The following SH3RF3 variants were observed in gnomAD, a reference collection of about 807,000 sequenced individuals.
The protein encoded by SH3RF3 is SH3 domain containing ring finger 3.
Under a neutral mutation model 66.3 loss-of-function variants are expected in SH3RF3, and 29 were observed. The ratio of observed to expected loss-of-function variants is 0.44; its 90% CI spans 0.33 to 0.60. The LOEUF (loss-of-function observed/expected upper bound fraction) is 0.60, where lower values mean the gene tolerates loss of function less well. SH3RF3 is among the 20% of genes least tolerant of loss of function. SH3RF3 has a pLI of 0.04. For synonymous variants in SH3RF3, 583 were observed against 532.0 expected (o/e 1.10, Z -1.32); for missense variants, 1,194 against 1,190.9 (o/e 1.00, Z -0.04).
chr2:109,241,188 C>G (rs1679772914), intron 1 of SH3RF3, among the ~76,000 whole-genome samples: 1 of 152,046 alleles, frequency 6.6e-6, no homozygotes, highest in Non-Finnish European at 1.5e-5. Context: ...ACTTACATAC[C>G]TCAAAACAAA....
intron 1 of SH3RF3, among the ~76,000 whole-genome samples, chr2:109,225,948 A>G (rs559138909): frequency 6.6e-6 from 1 of 152,324 alleles, no homozygotes; most frequent in Non-Finnish European, 1.5e-5. Context: ...GCTTTCAAAG[A>G]GTCCCTATTC....
At chr2:109,263,809 A>G (rs1680414562) in intron 1 of SH3RF3, among the ~76,000 whole-genome samples, 1 of 152,218 alleles carries the variant, frequency 6.6e-6, no homozygotes, top group African/African-American at 2.4e-5. Context: ...TACTAAAAAA[A>G]TACAAAAAAT....
intron 1 of SH3RF3, among the ~76,000 whole-genome samples, chr2:109,211,668 G>A (rs138224699): frequency 0.035 from 5,111 of 146,830 alleles, 268 homozygotes; most frequent in African/African-American, 0.12. Flanking sequence ...TTTTTGAGAT[G>A]GAGTCTCGCT....
intron 1 of SH3RF3, among the ~76,000 whole-genome samples, chr2:109,151,429 G>A (rs1677223371): frequency 6.6e-6 from 1 of 152,146 alleles, no homozygotes; most frequent in Admixed American, 6.5e-5. Context: ...CTCCAAAGCA[G>A]CACCATCCAA....
chr2:109,459,807 G>A (rs1023767915), intron 8 of SH3RF3, among the ~76,000 whole-genome samples: 3 of 152,162 alleles, frequency 2.0e-5, no homozygotes, highest in Non-Finnish European at 4.4e-5. Flanking sequence ...AATGTTGTGA[G>A]AACAAGAAGC....
At chr2:109,468,012 A>G (rs998774487) in intron 8 of SH3RF3, among the ~76,000 whole-genome samples, 1 of 152,278 alleles carries the variant, frequency 6.6e-6, no homozygotes, top group East Asian at 1.9e-4. Context: ...AAAACATTTC[A>G]GCCCAGAAGT....
intron 8 of SH3RF3, among the ~76,000 whole-genome samples, chr2:109,477,273 C>T (rs549838350): frequency 6.6e-6 from 1 of 152,346 alleles, no homozygotes; most frequent in Non-Finnish European, 1.5e-5. Flanking sequence ...GGGGAAGTCA[C>T]TCCCCGTTCC....
chr2:109,492,357 G>C (rs1679151285), intron 9 of SH3RF3, among the ~76,000 whole-genome samples: 1 of 152,174 alleles, frequency 6.6e-6, no homozygotes, highest in Non-Finnish European at 1.5e-5. Context: ...TGGGGCTCCA[G>C]AGTGGACAGG....
At chr2:109,425,989 C>T (rs981954633) in intron 5 of SH3RF3, among the ~76,000 whole-genome samples, 2 of 152,222 alleles carry the variant, frequency 1.3e-5, no homozygotes, top group African/African-American at 4.8e-5. Context: ...CCTCCGCCTC[C>T]TGGGTTCAAG....
chr2:109,389,632 T>C (rs1480460448), intron 3 of SH3RF3, among the ~76,000 whole-genome samples: 1 of 152,252 alleles, frequency 6.6e-6, no homozygotes, highest in Non-Finnish European at 1.5e-5. Context: ...TGAGAAATTC[T>C]ACTCAAACTT....
intron 1 of SH3RF3, among the ~76,000 whole-genome samples, chr2:109,224,114 A>G (rs997389087): frequency 6.6e-6 from 1 of 152,206 alleles, no homozygotes; most frequent in African/African-American, 2.4e-5. Context: ...TTACACAAAA[A>G]GAAACTGAGG....
intron 1 of SH3RF3, among the ~76,000 whole-genome samples, chr2:109,234,719 C>T (rs959882070): frequency 6.6e-6 from 1 of 152,218 alleles, no homozygotes; most frequent in African/African-American, 2.4e-5. Context: ...AGCACACAGG[C>T]TCTTGGAGTC....
chr2:109,164,406 A>G (rs1677566339), intron 1 of SH3RF3, among the ~76,000 whole-genome samples: 1 of 151,838 alleles, frequency 6.6e-6, no homozygotes. Flanking sequence ...CTGGTTCCAA[A>G]CTCTTGGCCT....
At chr2:109,307,762 T>C (rs1392404519) in intron 1 of SH3RF3, among the ~76,000 whole-genome samples, 2 of 149,254 alleles carry the variant, frequency 1.3e-5, no homozygotes, top group Non-Finnish European at 3.0e-5. Context: ...CTCATCATTT[T>C]TTATGGCTGC....
At chr2:109,229,719 T>A (rs1236550607) in intron 1 of SH3RF3, among the ~76,000 whole-genome samples, 1 of 152,150 alleles carries the variant, frequency 6.6e-6, no homozygotes, top group East Asian at 1.9e-4. Flanking sequence ...CTCGTATAAC[T>A]GGAATCATAG....
At position 109,419,544 on chromosome 2, in the gene SH3RF3, C is replaced by G; in HGVS notation, c.1305C>G (p.Val435=). 6.3e-7 allele frequency: 1 copy of G among 1,594,188 alleles called. No individual in the cohort carries two copies. Among genetic ancestry groups the G allele is most frequent in the Non-Finnish European group, 8.5e-7 (1 of 1,170,860 alleles). ...CCCCTCTTGTCTGTTTCCAGGATGT[C>G]TCCTCCTCGGCGGGATCTACCCCCA... The part of the protein sequence containing the change: ...HLSCAAPTQD[V]SSSAGSTPTA... Residue 435 remains valine, a synonymous_variant, in exon 5 of 10, where the codon GTC becomes GTG. Coordinates refer to ENST00000309415, the MANE Select transcript of SH3RF3 (RefSeq NM_001099289.3).
chr2:109,455,267 A>G (rs1313335722), intron 8 of SH3RF3, among the ~76,000 whole-genome samples: 1 of 152,056 alleles, frequency 6.6e-6, no homozygotes, highest in Non-Finnish European at 1.5e-5. Context: ...TTGGGGGGAG[A>G]AAGGGCCCTA....
intron 1 of SH3RF3, among the ~76,000 whole-genome samples, chr2:109,255,822 T>C (rs1680210043): frequency 6.6e-6 from 1 of 152,232 alleles, no homozygotes; most frequent in African/African-American, 2.4e-5. Context: ...TGTTTGTGCT[T>C]TTAATAGGCC....
At chr2:109,249,467 C>CTCTTTCTTTCTT (rs759428314) in intron 1 of SH3RF3, among the ~76,000 whole-genome samples, 1,603 of 99,142 alleles carry the variant, frequency 0.016, 84 homozygotes, top group Non-Finnish European at 0.021. Flanking sequence ...TTCTCTCTTT[C>CTCTTTCTTTCTT]TCTTTCTTTC....
Sources: gnomAD v4.1 joint callset for allele counts (sites outside exome capture counted in the v4.1 genomes callset) on GRCh38, gnomAD v4.1.1 for gene constraint, MANE v1.5 for transcripts, NCBI Gene and HGNC (gene_info 2026-07-23, HGNC 2026-07-21) for gene names.